NBAS: variants seen among roughly 807,000 people sequenced by gnomAD.
NBAS encodes the protein NAG/BC035112 fusion.
In NBAS, 219 loss-of-function variants were observed where a neutral mutation model predicts 302.5. That is an observed-to-expected ratio of 0.72 (90% CI 0.65 to 0.81). The LOEUF (loss-of-function observed/expected upper bound fraction) is 0.81, where lower values mean the gene tolerates loss of function less well. Ranked by LOEUF, NBAS falls within the 30% of genes least tolerant of loss-of-function variation. The pLI, the probability that NBAS is intolerant of heterozygous loss-of-function variation, is 0.00. For missense variants in NBAS, 2,932 were observed against 2,841.6 expected (o/e 1.03, Z -0.72); for synonymous variants, 1,118 against 1,021.6 (o/e 1.09, Z -1.80).
At chr2:15,281,750 G>A (rs536060761) in intron 42 of NBAS, among the ~76,000 whole-genome samples, 5 of 152,282 alleles carry the variant, frequency 3.3e-5, no homozygotes, top group East Asian at 1.9e-4. Context: ...TAAAGCTTGC[G>A]CACTTTCCAC....
chr2:15,424,971 G>A (rs542095303), intron 22 of NBAS, among the ~76,000 whole-genome samples: 17 of 152,156 alleles, frequency 1.1e-4, no homozygotes, highest in Admixed American at 9.8e-4. Context: ...CCTCTACTAG[G>A]TGCCAGCAAT....
At chr2:14,812,247 A>G in the NBAS span, among the ~76,000 whole-genome samples, 2 of 152,170 alleles carry the variant, frequency 1.3e-5, no homozygotes, top group Non-Finnish European at 2.9e-5. Context: ...TCACAGGGAG[A>G]CAAGACCAAA....
At chr2:15,054,672 C>A in the NBAS span, among the ~76,000 whole-genome samples, 18 of 152,320 alleles carry the variant, frequency 1.2e-4, no homozygotes, top group South Asian at 3.7e-3. Flanking sequence ...CATAGAAACA[C>A]ACTTGCACTC....
chr2:15,168,373 T>G (rs1193228766), intron 51 of NBAS, among the ~76,000 whole-genome samples: 1 of 152,254 alleles, frequency 6.6e-6, no homozygotes, highest in Non-Finnish European at 1.5e-5. Context: ...ACTTGTCTAC[T>G]GACTGTGAGA....
rs534101613 is a variant in NBAS at position 15,329,779 on chromosome 2, T to C, written c.4347+819A>G. On this transcript the variant is annotated intron_variant, in intron 36 of 51. Coordinates refer to ENST00000281513, the MANE Select transcript of NBAS (RefSeq NM_015909.4). ...ATTTGTTCTCCTTGGTTCAATCATATCTCTGCTCGAAGTGACTCCTTTTCT... is the reference window on the plus strand; with the variant it reads ...ATTTGTTCTCCTTGGTTCAATCATACCTCTGCTCGAAGTGACTCCTTTTCT... Among the ~76,000 whole-genome samples, 3 of 152,302 alleles carry C rather than the reference T, an allele frequency of 2.0e-5. No homozygotes were observed. In the South Asian group the frequency reaches 6.2e-4, roughly 32 times the overall value.
chr2:15,274,068 A>G (rs1475670412), intron 44 of NBAS, among the ~76,000 whole-genome samples: 3 of 152,062 alleles, frequency 2.0e-5, no homozygotes, highest in South Asian at 4.1e-4. Flanking sequence ...GGACAGAGCG[A>G]GACTCCGTCT....
At chr2:14,798,888 G>T in the NBAS span, among the ~76,000 whole-genome samples, 1 of 151,968 alleles carries the variant, frequency 6.6e-6, no homozygotes, top group African/African-American at 2.4e-5. Context: ...ATCATTTTAA[G>T]ATCTGTAGAA....
chr2:14,791,112 C>A, the NBAS span, among the ~76,000 whole-genome samples: 1 of 152,010 alleles, frequency 6.6e-6, no homozygotes, highest in African/African-American at 2.4e-5. Context: ...GCCTTGGCCT[C>A]CCAAAGTGCT....
chr2:15,158,410 G>A, the NBAS span, among the ~76,000 whole-genome samples: 2 of 152,310 alleles, frequency 1.3e-5, no homozygotes, highest in East Asian at 1.9e-4. Flanking sequence ...GCCCCTGCCT[G>A]GGGTTACACA....
chr2:15,214,388 G>C (rs1227430886), intron 48 of NBAS, among the ~76,000 whole-genome samples: 1 of 152,216 alleles, frequency 6.6e-6, no homozygotes, highest in Non-Finnish European at 1.5e-5. Flanking sequence ...GACAGTGACT[G>C]AGGTGGTTAA....
chr2:15,046,652 T>C, the NBAS span, among the ~76,000 whole-genome samples: 1,669 of 152,362 alleles, frequency 0.011, 33 homozygotes, highest in African/African-American at 0.039. Flanking sequence ...GTTTTATTTT[T>C]AGTTCACTTT....
rs1668123943 is a variant in NBAS at position 15,247,033 on chromosome 2, G to C, written c.5725-8347C>G. Among the ~76,000 whole-genome samples the C allele has an allele frequency of 3.3e-5, 5 of 152,168 alleles. No individual in the cohort carries two copies. In the South Asian group the frequency reaches 8.3e-4, roughly 25 times the overall value. The stretch of plus-strand genomic sequence containing the variant: ...CTGAAAGGTGACATCTCCAAGGAGA[G>C]TCCTCAAGAGTGAATAGAAACTAAG... On this transcript the variant is annotated intron_variant, in intron 44 of 51. Transcript: ENST00000281513.
At chr2:15,216,262 G>A (rs1427811648) in intron 48 of NBAS, among the ~76,000 whole-genome samples, 1 of 152,054 alleles carries the variant, frequency 6.6e-6, no homozygotes, top group Non-Finnish European at 1.5e-5. Context: ...ACCAAGAACA[G>A]GGAAAATGCT....
At chr2:15,541,111 C>T (rs1261475148) in intron 6 of NBAS, among the ~76,000 whole-genome samples, 1 of 152,150 alleles carries the variant, frequency 6.6e-6, no homozygotes, top group East Asian at 1.9e-4. Flanking sequence ...TTGTTACCTC[C>T]TCCTTCCTTG....
the NBAS span, among the ~76,000 whole-genome samples, chr2:15,013,821 T>C: frequency 5.3e-5 from 8 of 152,020 alleles, no homozygotes; most frequent in Non-Finnish European, 8.8e-5. Context: ...AAATAAAAGA[T>C]ATAGACAGCT....
At chr2:15,266,502 C>A (rs1669083337) in intron 44 of NBAS, among the ~76,000 whole-genome samples, 1 of 152,166 alleles carries the variant, frequency 6.6e-6, no homozygotes, top group Admixed American at 6.5e-5. Flanking sequence ...AGGATCCTAT[C>A]CAAGGTGAAT....
chr2:14,920,895 C>G, the NBAS span, among the ~76,000 whole-genome samples: 1 of 151,648 alleles, frequency 6.6e-6, no homozygotes, highest in Non-Finnish European at 1.5e-5. Context: ...AGCAATAAGG[C>G]TGTTTCACTT....
intron 44 of NBAS, among the ~76,000 whole-genome samples, chr2:15,265,224 C>T (rs1313900785): frequency 6.6e-6 from 1 of 152,144 alleles, no homozygotes; most frequent in Non-Finnish European, 1.5e-5. Context: ...GTTCCTTTAG[C>T]AGAAAAGTGT....
chr2:15,551,439 G>A (rs1320911931), intron 6 of NBAS, 54 bp downstream of exon 6: 3 of 1,188,348 alleles, frequency 2.5e-6, no homozygotes, highest in Non-Finnish European at 3.7e-6. Flanking sequence ...AGAAACATTG[G>A]AAACCATTGC....
Sources: allele counts gnomAD v4.1 joint callset (sites outside exome capture counted in the v4.1 genomes callset), GRCh38; gene constraint gnomAD v4.1.1; transcripts MANE v1.5; gene names NCBI Gene and HGNC (gene_info 2026-07-23, HGNC 2026-07-21).